The following DNAH12 variants were observed in gnomAD, a reference collection of about 807,000 sequenced individuals.
DNAH12 encodes the protein dynein axonemal heavy chain 12, also known as axonemal beta dynein heavy chain 12.
Under a neutral mutation model 371.5 loss-of-function variants are expected in DNAH12, and 285 were observed. That is an observed-to-expected ratio of 0.77 (90% confidence interval 0.70 to 0.85). The LOEUF is 0.85. DNAH12 is among the 40% of genes least tolerant of loss of function. The pLI is 0.00. For synonymous variants in DNAH12, 1,200 were observed against 1,213.0 expected, an observed-to-expected ratio of 0.99 and a Z score of 0.22; for missense variants, 3,611 against 3,689.4, an observed-to-expected ratio of 0.98 and a Z score of 0.55.
At chr3:57,464,285 A>C (rs1373588949) in intron 17 of DNAH12, among the ~76,000 whole-genome samples, 2 of 152,098 alleles carry the variant, frequency 1.3e-5, no homozygotes, top group African/African-American at 4.8e-5. Context: ...GAAGATGCCA[A>C]ATCAGAGTGG....
chr3:57,501,525 A>C (rs750912888), intron 10 of DNAH12, 113 bp from the exon 11 acceptor site: 2 of 712,736 alleles, frequency 2.8e-6, no homozygotes, highest in Non-Finnish European at 4.6e-6. Context: ...TATTATTAAT[A>C]GAGTATTAAC....
At chr3:57,428,343 T>A (rs2064847255) in intron 34 of DNAH12, 3 of 1,189,762 alleles carry the variant, frequency 2.5e-6, no homozygotes, top group African/African-American at 3.2e-5. Flanking sequence ...ACTCACTAAA[T>A]GTACATTGAG....
At chr3:57,361,836 T>G (rs2062943515) in intron 58 of DNAH12, among the ~76,000 whole-genome samples, 2 of 152,192 alleles carry the variant, frequency 1.3e-5, no homozygotes, top group Non-Finnish European at 2.9e-5. Flanking sequence ...TAATAATAAC[T>G]TACCTGTTCA....
chr3:57,300,193 T>C (rs1455156097), intron 70 of DNAH12, among the ~76,000 whole-genome samples: 1 of 152,220 alleles, frequency 6.6e-6, no homozygotes, highest in African/African-American at 2.4e-5. Context: ...AATCTGCCTT[T>C]CTTTACCTAC....
chr3:57,482,086 T>C (rs1299104420), intron 13 of DNAH12, among the ~76,000 whole-genome samples: 1 of 152,018 alleles, frequency 6.6e-6, no homozygotes, highest in Non-Finnish European at 1.5e-5. Flanking sequence ...CTAATTAAAC[T>C]AAAGAGCTTC....
At chr3:57,416,046 C>T (rs771173500) in intron 37 of DNAH12, among the ~76,000 whole-genome samples, 6 of 152,042 alleles carry the variant, frequency 3.9e-5, no homozygotes, top group East Asian at 1.9e-4. Flanking sequence ...CCTTGGCCTC[C>T]CAAAGTGCTG....
intron 4 of DNAH12, chr3:57,512,493 G>A (rs940156009): frequency 1.3e-5 from 2 of 152,202 alleles, no homozygotes; most frequent in Non-Finnish European, 2.9e-5. Flanking sequence ...GAATGATACA[G>A]AGAAGATCAG....
At chr3:57,426,385 G>A (rs1220224663) in intron 34 of DNAH12, among the ~76,000 whole-genome samples, 2 of 152,282 alleles carry the variant, frequency 1.3e-5, no homozygotes, top group South Asian at 2.1e-4. Context: ...GATACAGACT[G>A]GACCAGAGCA....
intron 60 of DNAH12, among the ~76,000 whole-genome samples, chr3:57,344,161 G>A (rs1387933772): frequency 3.3e-5 from 5 of 152,200 alleles, no homozygotes; most frequent in South Asian, 2.1e-4. Flanking sequence ...TCAGTCTCTC[G>A]TCCCACCCAA....
At chr3:57,333,301 G>GCC (rs1473808726) in intron 62 of DNAH12, among the ~76,000 whole-genome samples, 1 of 139,032 alleles carries the variant, frequency 7.2e-6, no homozygotes, top group East Asian at 2.1e-4. Context: ...GAGCCACCGT[G>GCC]CCCGGATACA....
chr3:57,418,013 G>A (rs150123204), intron 37 of DNAH12, among the ~76,000 whole-genome samples: 2,056 of 151,886 alleles, frequency 0.014, 23 homozygotes, highest in African/African-American at 0.037. Context: ...TTAGCCTGGC[G>A]TGGTGGCAGG....
chr3:57,403,421 C>T lies in DNAH12; in HGVS notation c.6836G>A (p.Gly2279Glu), dbSNP rs1553679786. The change falls in exon 43 of 74, where the codon GGA (glycine) becomes GAA (glutamate). Residue 2279 changes from glycine to glutamate, a missense_variant. By Grantham distance (98) the Gly-to-Glu change is moderately conservative (BLOSUM62 -2). This residue lies in a region of DNAH12 where 2,266 missense variants were observed against 2,236.9 expected (regional missense o/e 1.01). Transcript: ENST00000495027. ...ACGAGTTAAAGATTGACGACCACTT[C>T]CTCCAAGACCAACAAGCAAAGCATT... ...GGNALLVGLGGSGRQSLTRLA... is the reference protein window; with the variant it reads ...GGNALLVGLGESGRQSLTRLA... The T allele has an allele frequency of 1.3e-6, 2 of 1,551,330 alleles. No homozygotes were observed. Among genetic ancestry groups the T allele is most frequent in the Non-Finnish European group, 1.7e-6 (2 of 1,146,862 alleles).
At chr3:57,501,293 CATT>C (rs1456485905) in intron 11 of DNAH12, 25 bp downstream of exon 11, 1 of 1,552,416 alleles carries the variant, frequency 6.4e-7, no homozygotes, top group Non-Finnish European at 8.8e-7. Context: ...ATTCAAAACG[CATT>C]AATAAAAACA....
chr3:57,323,951 C>A (rs2061870835), intron 62 of DNAH12, among the ~76,000 whole-genome samples: 1 of 152,172 alleles, frequency 6.6e-6, no homozygotes, highest in African/African-American at 2.4e-5. Flanking sequence ...GGTATTAGAA[C>A]CCCAAGTTTT....
chr3:57,302,078 G>A (rs528628710), intron 69 of DNAH12, 139 bp from the exon 70 acceptor site: 59 of 752,354 alleles, frequency 7.8e-5, no homozygotes, highest in Non-Finnish European at 1.2e-4. Flanking sequence ...GTGGTGGTAC[G>A]TGAGCTAATG....
chr3:57,368,035 T>C lies in DNAH12; in HGVS notation c.8974+11A>G, dbSNP rs940513284. The C allele has an allele frequency of 1.3e-5, 2 of 152,224 alleles. No homozygotes were observed. Among genetic ancestry groups the C allele is most frequent in the Non-Finnish European group, 2.9e-5 (2 of 68,038 alleles). 9.4% of individuals were successfully genotyped at this position (152,224 alleles called of 1,614,324 possible). The stretch of plus-strand genomic sequence containing the variant: ...TTTCAGTTCTACAGATTAATAGTAA[T>C]TGCTTTATACCTTGTTTAAAAGTTT... On this transcript the variant is annotated intron_variant, in intron 56 of 73. Transcript: ENST00000495027.
intron 13 of DNAH12, among the ~76,000 whole-genome samples, chr3:57,479,678 A>T (rs1336433786): frequency 1.3e-5 from 2 of 152,136 alleles, no homozygotes; most frequent in Non-Finnish European, 1.5e-5. Flanking sequence ...GAAGTAAAGC[A>T]CTCCTCAGCA....
In DNAH12 at chr3:57,480,495, A is replaced by G. The variant is rs1458915117; in HGVS notation, c.1650+2881T>C. Among the ~76,000 whole-genome samples, 4 of 151,254 alleles carry G rather than the reference A, an allele frequency of 2.6e-5. No homozygotes were observed. The East Asian group carries it at 5.8e-4, about 22-fold the overall frequency. On this transcript the variant is annotated intron_variant, in intron 13 of 73. Transcript: ENST00000495027. ...ACAGCCGAATTCTACCAGAGGTACA[A>G]GGAGGAGCTGGTACCATTCCTTCTG...
At chr3:57,521,778 T>G (rs901775190) in intron 4 of DNAH12, among the ~76,000 whole-genome samples, 1 of 151,758 alleles carries the variant, frequency 6.6e-6, no homozygotes, top group African/African-American at 2.4e-5. Flanking sequence ...TCTTAGCTAC[T>G]CAGGAGGCTG....
Sources: allele counts gnomAD v4.1 joint callset (sites outside exome capture counted in the v4.1 genomes callset), GRCh38; gene constraint gnomAD v4.1.1; regional missense constraint gnomAD v4.1.1; transcripts MANE v1.5; gene names NCBI Gene and HGNC (gene_info 2026-07-23, HGNC 2026-07-21).